MTUS2: variants seen among roughly 807,000 people sequenced by gnomAD.
The protein encoded by MTUS2 is microtubule associated scaffold protein 2.
MTUS2 carries 40 observed loss-of-function variants against 114.1 expected under a neutral mutation model. That is an observed-to-expected ratio of 0.35 (90% CI 0.27 to 0.46). MTUS2 has a LOEUF of 0.46. Among genes scored for constraint, MTUS2 ranks in the 20% least tolerant of loss-of-function variants. The pLI is 1.00. For synonymous variants in MTUS2, 688 were observed against 672.0 expected (o/e 1.02, Z -0.37); for missense variants, 1,679 against 1,705.4 (o/e 0.98, Z 0.27).
At chr13:29,120,534 T>A (rs1252939131) in intron 5 of MTUS2, among the ~76,000 whole-genome samples, 1 of 152,120 alleles carries the variant, frequency 6.6e-6, no homozygotes, top group East Asian at 1.9e-4. Flanking sequence ...CTTTAAAACA[T>A]GTTTATTTGC....
chr13:29,180,492 C>T (rs1893952362), intron 5 of MTUS2, among the ~76,000 whole-genome samples: 1 of 152,174 alleles, frequency 6.6e-6, no homozygotes, highest in Admixed American at 6.5e-5. Flanking sequence ...TAAGGTCACT[C>T]AATTTGGAAA....
intron 5 of MTUS2, among the ~76,000 whole-genome samples, chr13:29,211,172 G>T (rs1895414795): frequency 6.6e-6 from 1 of 152,088 alleles, no homozygotes. Context: ...ATGGGGGTGT[G>T]GTTCTCAGGC....
intron 2 of MTUS2, among the ~76,000 whole-genome samples, chr13:28,874,965 C>T (rs1414971454): frequency 1.3e-5 from 2 of 152,198 alleles, no homozygotes; most frequent in Non-Finnish European, 2.9e-5. Flanking sequence ...CATATTCTTA[C>T]CACAGTTGTA....
At chr13:29,424,242 A>C (rs1220670756) in intron 8 of MTUS2, among the ~76,000 whole-genome samples, 2 of 152,146 alleles carry the variant, frequency 1.3e-5, no homozygotes, top group African/African-American at 4.8e-5. Context: ...AGAAATGATA[A>C]ATGTTTGCAG....
intron 15 of MTUS2, 82 bp downstream of exon 15, chr13:29,501,276 G>A (rs1442242280): frequency 9.7e-7 from 1 of 1,030,098 alleles, no homozygotes; most frequent in Non-Finnish European, 1.5e-6. Context: ...CCTCACTCTG[G>A]CCTGTGAGTC....
chr13:29,270,358 A>G (rs3011449), intron 5 of MTUS2, among the ~76,000 whole-genome samples: 140,421 of 152,140 alleles, frequency 0.92, 65,257 homozygotes, highest in Non-Finnish European at 0.98. Flanking sequence ...GAGGTCTCAG[A>G]CGCGGTGGAC....
intron 2 of MTUS2, among the ~76,000 whole-genome samples, chr13:29,012,098 G>A (rs1464644510): frequency 2.0e-5 from 3 of 152,170 alleles, no homozygotes; most frequent in Admixed American, 2.0e-4. Flanking sequence ...ATAGCCTGCA[G>A]TCCTGTAGAT....
intron 2 of MTUS2, among the ~76,000 whole-genome samples, chr13:28,942,795 A>G (rs1040684637): frequency 3.9e-5 from 6 of 152,222 alleles, no homozygotes; most frequent in Non-Finnish European, 2.9e-5. Flanking sequence ...GGTTATCTGT[A>G]GAGAGGACAG....
intron 5 of MTUS2, among the ~76,000 whole-genome samples, chr13:29,243,056 C>A (rs1033121228): frequency 1.3e-5 from 2 of 152,072 alleles, no homozygotes. Flanking sequence ...TGAGACAGAT[C>A]GAATCTGAGA....
At chr13:29,256,552 C>T (rs1288428182) in intron 5 of MTUS2, among the ~76,000 whole-genome samples, 2 of 152,238 alleles carry the variant, frequency 1.3e-5, no homozygotes, top group Admixed American at 6.5e-5. Flanking sequence ...TCCTAAATCT[C>T]TTCAGGGTCT....
intron 2 of MTUS2, among the ~76,000 whole-genome samples, chr13:28,894,111 G>A (rs1056988936): frequency 1.3e-4 from 19 of 151,544 alleles, no homozygotes; most frequent in Admixed American, 1.3e-3. Flanking sequence ...GGACTGAATT[G>A]TGTACCCACT....
intron 8 of MTUS2, among the ~76,000 whole-genome samples, chr13:29,375,756 C>T (rs931684422): frequency 2.0e-5 from 3 of 150,012 alleles, no homozygotes; most frequent in Non-Finnish European, 3.0e-5. Context: ...AACCAAATAC[C>T]GTATGTTCTC....
chr13:29,168,474 T>C (rs1390993939), intron 5 of MTUS2, among the ~76,000 whole-genome samples: 1 of 152,214 alleles, frequency 6.6e-6, no homozygotes, highest in Admixed American at 6.5e-5. Flanking sequence ...GGAAGAGAAC[T>C]GCCATTGACT....
At chr13:29,033,799 T>C in intron 3 of MTUS2, 86 bp from the exon 4 acceptor site, 2 of 1,527,940 alleles carry the variant, frequency 1.3e-6, no homozygotes, top group Non-Finnish European at 8.9e-7. Context: ...GAGTGGTCAT[T>C]GGTTCAGCCT....
At chr13:28,940,154 CTA>C (rs1393988071) in intron 2 of MTUS2, among the ~76,000 whole-genome samples, 1 of 152,118 alleles carries the variant, frequency 6.6e-6, no homozygotes, top group African/African-American at 2.4e-5. Context: ...ACACAGAAAC[CTA>C]TGTTTGTGCA....
chr13:28,904,918 C>G (rs1007864044), intron 2 of MTUS2, among the ~76,000 whole-genome samples: 2 of 151,666 alleles, frequency 1.3e-5, no homozygotes, highest in Non-Finnish European at 2.9e-5. Context: ...TTTGTATCCT[C>G]TTTTATTTCA....
At chr13:28,968,069 T>C (rs375456500) in intron 2 of MTUS2, among the ~76,000 whole-genome samples, 5 of 152,196 alleles carry the variant, frequency 3.3e-5, no homozygotes, top group East Asian at 3.8e-4. Context: ...TAGACTGCAA[T>C]ACCTTCCAGT....
intron 2 of MTUS2, among the ~76,000 whole-genome samples, chr13:28,922,175 G>A (rs900033877): frequency 2.0e-5 from 3 of 152,136 alleles, no homozygotes; most frequent in African/African-American, 7.2e-5. Flanking sequence ...GTGAAGATGT[G>A]CTTGCTTCCC....
At chr13:29,034,232 G>A (rs896804460) in intron 4 of MTUS2, 107 bp downstream of exon 4, 3 of 1,462,978 alleles carry the variant, frequency 2.1e-6, no homozygotes, top group Non-Finnish European at 1.9e-6. Context: ...CCTTTAAGGA[G>A]AGCCTTTTTC....
Sources: allele counts gnomAD v4.1 joint callset (sites outside exome capture counted in the v4.1 genomes callset), GRCh38; gene constraint gnomAD v4.1.1; transcripts MANE v1.5; gene names NCBI Gene and HGNC (gene_info 2026-07-23, HGNC 2026-07-21).